The following PCDHGA6 variants were observed in gnomAD, a reference collection of about 807,000 sequenced individuals.
PCDHGA6 encodes the protein protocadherin gamma-A6.
In PCDHGA6, 41 loss-of-function variants were observed where a neutral mutation model predicts 60.6. That is an observed-to-expected ratio of 0.68 (90% CI 0.53 to 0.88). PCDHGA6 has a LOEUF of 0.88. Among genes scored for constraint, PCDHGA6 ranks in the 40% least tolerant of loss-of-function variants. The pLI is 0.00. For missense variants in PCDHGA6, 1,312 were observed against 1,203.0 expected (o/e 1.09, Z -1.34); for synonymous variants, 594 against 524.4 (o/e 1.13, Z -1.81).
intron 1 of PCDHGA6, chr5:141,404,335 C>G (rs2094514976): frequency 1.2e-6 from 2 of 1,613,936 alleles, no homozygotes; most frequent in Non-Finnish European, 1.7e-6. Context: ...CAGTCTACCT[C>G]CCGGAAAACA....
intron 1 of PCDHGA6, chr5:141,389,833 C>T (rs1561628239): frequency 6.2e-7 from 1 of 1,613,996 alleles, no homozygotes; most frequent in East Asian, 2.2e-5. Flanking sequence ...GGTGGACAGC[C>T]ACCACTCTCG....
In PCDHGA6 at chr5:141,407,971, G is replaced by C. The variant is rs1399304138; in HGVS notation, c.2424+31464G>C. The C allele has an allele frequency of 7.0e-5, 50 of 717,762 alleles. No homozygotes were observed. In the South Asian group the frequency reaches 1.2e-3, roughly 17 times the overall value. 44.5% of individuals were successfully genotyped at this position (717,762 alleles called of 1,614,324 possible). On this transcript the variant is annotated intron_variant, in intron 1 of 3. Coordinates refer to ENST00000517434, the MANE Select transcript of PCDHGA6 (RefSeq NM_018919.3). The stretch of plus-strand genomic sequence containing the variant: ...CGGCCAGTGCAGAGCAAGCGCTGAC[G>C]CCGGGGATCCGTCAGCCTCTGGCCT...
chr5:141,374,443 A>C lies in PCDHGA6; in HGVS notation c.360A>C (p.Glu120Asp), dbSNP rs886695991. The C allele has an allele frequency of 6.2e-7, 1 of 1,613,842 alleles. No homozygotes were observed. Reference protein sequence around the residue: ...VEDKLNLYPVEVEIVDINDNT... With the variant: ...VEDKLNLYPVDVEIVDINDNT... ...ATAAACTGAATCTTTATCCCGTGGA[A>C]GTGGAAATAGTGGACATTAATGACA... is the stretch of plus-strand genomic sequence containing the variant. The change falls in exon 1 of 4, where the codon GAA (glutamate) becomes GAC (aspartate). Residue 120 changes from glutamate (E) to aspartate (D), a missense_variant. By Grantham distance (45) the Glu-to-Asp change is conservative. Transcript: ENST00000517434.
At chr5:141,472,884 G>A (rs1426207609) in intron 1 of PCDHGA6, among the ~76,000 whole-genome samples, 2 of 151,610 alleles carry the variant, frequency 1.3e-5, no homozygotes, top group African/African-American at 4.8e-5. Flanking sequence ...TACTCGGGAG[G>A]CTGAGGCAGG....
chr5:141,436,383 G>A (rs1374382672), intron 1 of PCDHGA6, among the ~76,000 whole-genome samples: 1 of 152,104 alleles, frequency 6.6e-6, no homozygotes, highest in Admixed American at 6.5e-5. Flanking sequence ...AGCTGAATAG[G>A]CTTTATTAAA....
rs768135284 is a variant in PCDHGA6, at chr5:141,489,277, T to C, written c.2425-5530T>C. ...GACACTCCCACAGCTCGCTGGGAAA[T>C]GGCAAGTGCTGTGCATGTTGTCCTT... On this transcript the variant is annotated intron_variant, in intron 1 of 3. Transcript: ENST00000517434. This position sits in a 1 kb window ranked among gnomAD's most constrained non-coding sequence, Gnocchi z 4.5. 7.1e-6 allele frequency: 11 copies of C among 1,556,078 alleles called. No individual in the cohort carries two copies. Among genetic ancestry groups the C allele is most frequent in the South Asian group, 3.7e-5 (3 of 80,348 alleles).
intron 1 of PCDHGA6, chr5:141,419,739 G>T: frequency 6.2e-7 from 1 of 1,613,770 alleles, no homozygotes; most frequent in South Asian, 1.1e-5. Context: ...GGCGAGGTGC[G>T]CATGGTGCGT....
In PCDHGA6 at chr5:141,493,550, T is replaced by C. The variant is rs978188511; in HGVS notation, c.2425-1257T>C. On this transcript the variant is annotated intron_variant, in intron 1 of 3. Coordinates refer to ENST00000517434, the MANE Select transcript of PCDHGA6 (RefSeq NM_018919.3). This position sits in a 1 kb window ranked among gnomAD's most constrained non-coding sequence, Gnocchi z 4.3. Reference sequence around the variant, plus strand: ...ACTTGGCCAGTTATCCTTTTGGAGATTGAGTTCCCCCAGCTCCGTTTCCTC... The same window carrying C: ...ACTTGGCCAGTTATCCTTTTGGAGACTGAGTTCCCCCAGCTCCGTTTCCTC... Among the ~76,000 whole-genome samples the C allele has an allele frequency of 1.3e-5, 2 of 152,172 alleles. No homozygotes were observed. The highest frequency in any genetic ancestry group is 2.4e-5 in the African/African-American group (1 of 41,430).
chr5:141,430,245 G>C (rs1000418420), intron 1 of PCDHGA6, among the ~76,000 whole-genome samples: 1 of 104,402 alleles, frequency 9.6e-6, no homozygotes, highest in African/African-American at 6.4e-5. Flanking sequence ...GAAACTCCTA[G>C]GGAGACATCT....
chr5:141,440,905 C>A (rs986711694), intron 1 of PCDHGA6: 1 of 152,184 alleles, frequency 6.6e-6, no homozygotes, highest in East Asian at 1.9e-4. Context: ...TGCATCCGGG[C>A]ACTCCTGTGC....
chr5:141,418,862 G>C (rs749632113), intron 1 of PCDHGA6: 1 of 1,613,994 alleles, frequency 6.2e-7, no homozygotes, highest in Non-Finnish European at 8.5e-7. Context: ...TAAAGTAATT[G>C]TAGAAGTTGT....
Position 141,394,592 on chromosome 5 carries a change from G to A in PCDHGA6, c.2424+18085G>A, listed in dbSNP as rs754585576. The A allele has an allele frequency of 3.3e-4, 534 of 1,613,642 alleles. 1 individual carries two copies. Among genetic ancestry groups the A allele is most frequent in the Non-Finnish European group, 4.3e-4 (502 of 1,180,046 alleles). On this transcript the variant is annotated intron_variant, in intron 1 of 3. Coordinates refer to ENST00000517434, the MANE Select transcript of PCDHGA6 (RefSeq NM_018919.3). ...GCTACCTGGTGACCAAGGTGGTGGC[G>A]GTGGACAGAGACTCGGGCCAGAACG...
At chr5:141,399,949 A>G in intron 1 of PCDHGA6, 1 of 1,612,272 alleles carries the variant, frequency 6.2e-7, no homozygotes, top group Non-Finnish European at 8.5e-7. Flanking sequence ...GCTGCAGGCT[A>G]GCGAGCCCGG....
rs1001717368 is a variant in PCDHGA6 at position 141,405,559 on chromosome 5, G to A, written c.2424+29052G>A. ...CTCAGCCTCCCAAGTAGAGTAGCTG[G>A]GACTAGAGTAGAGTAGCTGGGACTA... On this transcript the variant is annotated intron_variant, in intron 1 of 3. Transcript: ENST00000517434. 1.8e-5 allele frequency: 11 copies of A among 614,566 alleles called. No individual in the cohort carries two copies. In the Admixed American group the frequency reaches 2.9e-4, roughly 16 times the overall value. The allele number at this position is 614,566 out of a possible 1,614,324, so 38.1% of individuals were successfully genotyped here.
intron 1 of PCDHGA6, among the ~76,000 whole-genome samples, chr5:141,435,444 A>T (rs1471113812): frequency 1.3e-5 from 2 of 152,216 alleles, no homozygotes; most frequent in South Asian, 2.1e-4. Context: ...TTTCATTAAT[A>T]CGATATCTGT....
intron 1 of PCDHGA6, among the ~76,000 whole-genome samples, chr5:141,482,782 G>T (rs775083331): frequency 1.6e-4 from 25 of 152,154 alleles, no homozygotes; most frequent in Non-Finnish European, 3.2e-4. Context: ...ACCTTAAACT[G>T]TGTGTGTGGC....
intron 2 of PCDHGA6, among the ~76,000 whole-genome samples, chr5:141,499,689 CTTTTTTT>C (rs545067566): frequency 8.3e-6 from 1 of 119,856 alleles, no homozygotes; most frequent in Non-Finnish European, 1.7e-5. Flanking sequence ...TAACAGATGA[CTTTTTTT>C]TTTTTTTTTT....
chr5:141,423,488 ATTC>A, intron 1 of PCDHGA6: 1 of 1,613,954 alleles, frequency 6.2e-7, no homozygotes, highest in Non-Finnish European at 8.5e-7. Flanking sequence ...CTGCAAACCT[ATTC>A]CCACGAGGTC....
At chr5:141,438,287 T>C (rs1183751436) in intron 1 of PCDHGA6, among the ~76,000 whole-genome samples, 1 of 152,054 alleles carries the variant, frequency 6.6e-6, no homozygotes, top group African/African-American at 2.4e-5. Context: ...TAATTTAATC[T>C]GTATGTAAAA....
Sources: gnomAD v4.1 joint callset for allele counts (sites outside exome capture counted in the v4.1 genomes callset) on GRCh38, gnomAD v4.1.1 for gene constraint, Gnocchi (gnomAD v3.1) non-coding constraint, MANE v1.5 for transcripts, NCBI Gene and HGNC (gene_info 2026-07-23, HGNC 2026-07-21) for gene names.